The following MAP2K2 variants were observed in gnomAD, a reference collection of about 807,000 sequenced individuals.
MAP2K2 encodes dual specificity mitogen-activated protein kinase kinase 2.
A neutral mutation model predicts 43.7 loss-of-function variants in MAP2K2; 24 were observed. The observed-to-expected ratio is 0.55, with a 90% CI of 0.40 to 0.77. MAP2K2 has a LOEUF of 0.77. MAP2K2 is among the 30% of genes least tolerant of loss of function. MAP2K2 has a pLI of 0.00. For missense variants in MAP2K2, 470 were observed against 566.8 expected (o/e 0.83, Z 1.73); for synonymous variants, 244 against 239.7 (o/e 1.02, Z -0.17).
rs1306072108 is a variant in MAP2K2, at chr19:4,115,596, A to G, written c.303+1823T>C. On this transcript the variant is annotated intron_variant, in intron 2 of 10. Coordinates refer to ENST00000262948, the MANE Select transcript of MAP2K2 (RefSeq NM_030662.4). The surrounding 1 kb of genome is among the most constrained non-coding windows in gnomAD (Gnocchi z 4.1). ...AAGAGGCTGCCTGCAGTACGGGGAC[A>G]GAAATAGCAAGTCCGCGGCTGCACA... Among the ~76,000 whole-genome samples the G allele has an allele frequency of 6.6e-6, 1 of 152,238 alleles. No individual in the cohort carries two copies. The highest frequency in any genetic ancestry group is 1.5e-5 in the Non-Finnish European group (1 of 68,044).
chr19:4,101,929 G>A lies in MAP2K2; in HGVS notation c.528+447C>T, dbSNP rs1473449724. 2.6e-5 allele frequency among the ~76,000 whole-genome samples: 4 copies of A among 152,148 alleles called. No homozygotes were observed. Among genetic ancestry groups the A allele is most frequent in the African/African-American group, 4.8e-5 (2 of 41,434 alleles). On this transcript the variant is annotated intron_variant, in intron 4 of 10. Coordinates refer to ENST00000262948, the MANE Select transcript of MAP2K2 (RefSeq NM_030662.4). This position sits in a 1 kb window ranked among gnomAD's most constrained non-coding sequence, Gnocchi z 6.3. Reference sequence around the variant, plus strand: ...GTCTGCTGAAACCACACGGCTCTACGGAGCAGCTGTGCTGGAGACCGGGCA... The same window carrying A: ...GTCTGCTGAAACCACACGGCTCTACAGAGCAGCTGTGCTGGAGACCGGGCA...
intron 2 of MAP2K2, among the ~76,000 whole-genome samples, chr19:4,111,497 T>A (rs973110984): frequency 6.6e-6 from 1 of 152,034 alleles, no homozygotes; most frequent in African/African-American, 2.4e-5. Flanking sequence ...CTTCCCACCC[T>A]CAAGCTGGAG....
In MAP2K2 at chr19:4,124,118, G is replaced by A. The variant is rs181533374; in HGVS notation, c.-243C>T. On this transcript the variant is annotated 5_prime_UTR_variant, in exon 1 of 11. Coordinates refer to ENST00000262948, the MANE Select transcript of MAP2K2 (RefSeq NM_030662.4). ...AAGGCTGACGCCGCAGCCCGAGTCC[G>A]AGAGGCAGGGGGAGGGGAGGGGCGG... 6,780 of 213,846 alleles carry A rather than the reference G, an allele frequency of 0.032. 482 individuals carry two copies. The highest frequency in any genetic ancestry group is 0.14 in the African/African-American group (6,272 of 44,238). The allele number at this position is 213,846 out of a possible 1,614,324, so 13.2% of individuals were successfully genotyped here.
intron 3 of MAP2K2, among the ~76,000 whole-genome samples, chr19:4,106,044 T>C (rs1175245198): frequency 1.3e-5 from 2 of 152,228 alleles, no homozygotes; most frequent in African/African-American, 4.8e-5. Flanking sequence ...CATAGCTCAC[T>C]GCAGCCTCGA....
At position 4,094,441 on chromosome 19, in the gene MAP2K2, G is replaced by A; in HGVS notation, c.1092+12C>T. 6.4e-7 allele frequency: 1 copy of A among 1,558,410 alleles called. No homozygotes were observed. Among genetic ancestry groups the A allele is most frequent in the Non-Finnish European group, 8.7e-7 (1 of 1,150,476 alleles). On this transcript the variant is annotated intron_variant, in intron 10 of 10. Transcript: ENST00000262948. ...CACCCTCCCGGTCCCAGAACCCGCT[G>A]GCATCACTCACTGTGAGCATCTTCA...
At position 4,110,487 on chromosome 19, in the gene MAP2K2, C is replaced by A. The variant is rs767239143; in HGVS notation, c.450+22G>T. 2.5e-6 allele frequency: 4 copies of A among 1,611,730 alleles called. No individual in the cohort carries two copies. In the East Asian group the frequency reaches 8.9e-5, roughly 36 times the overall value. On this transcript the variant is annotated intron_variant, in intron 3 of 10. Coordinates refer to ENST00000262948, the MANE Select transcript of MAP2K2 (RefSeq NM_030662.4). ...CTGTTCCGTGGAGGCCCTGCCCCTG[C>A]CCCTGCCCCGGACGCACTCACCATG...
chr19:4,102,698 G>C (rs545445456), intron 3 of MAP2K2: 10 of 1,178,754 alleles, frequency 8.5e-6, no homozygotes, highest in African/African-American at 7.6e-5. Context: ...TCCCATCCTC[G>C]AATCAGTTGC....
chr19:4,094,982 G>A (rs541403253), intron 9 of MAP2K2: 13 of 348,728 alleles, frequency 3.7e-5, no homozygotes, highest in Admixed American at 2.1e-4. Flanking sequence ...TGAAGCCCAC[G>A]CCACAGGTGC....
At position 4,124,084 on chromosome 19, in the gene MAP2K2, G is replaced by A. The variant is rs1457316565; in HGVS notation, c.-209C>T. The A allele has an allele frequency of 2.8e-5, 6 of 213,890 alleles. No homozygotes were observed. The highest frequency in any genetic ancestry group is 6.7e-5 in the East Asian group (1 of 14,882). The allele number at this position is 213,890 out of a possible 1,614,324, so 13.2% of individuals were successfully genotyped here. A position where few individuals can be genotyped will look rare whatever the true frequency, so the allele number is the denominator to read the frequency against. The stretch of plus-strand genomic sequence containing the variant: ...GCGAGCGAGCCGCTACCGCTGCCGA[G>A]GCCCGAAGAAGGCTGACGCCGCAGC... On this transcript the variant is annotated 5_prime_UTR_variant, in exon 1 of 11. Transcript: ENST00000262948.
At chr19:4,120,257 T>TG (rs1339189108) in intron 1 of MAP2K2, among the ~76,000 whole-genome samples, 2 of 151,986 alleles carry the variant, frequency 1.3e-5, no homozygotes, top group Non-Finnish European at 2.9e-5. Context: ...ACCCTGGGAG[T>TG]GGGACAGAAG....
chr19:4,117,726 A>G, intron 1 of MAP2K2, 97 bp from the exon 2 acceptor site: 1 of 1,079,838 alleles, frequency 9.3e-7, no homozygotes, highest in Non-Finnish European at 1.4e-6. Flanking sequence ...AGGAGGACAC[A>G]GACTGGATTC....
At chr19:4,109,095 G>A (rs563006731) in intron 3 of MAP2K2, among the ~76,000 whole-genome samples, 1 of 152,266 alleles carries the variant, frequency 6.6e-6, no homozygotes, top group African/African-American at 2.4e-5. Context: ...TGTCAAAGGG[G>A]ATCGCACGTT....
chr19:4,094,055 C>T (rs1025072004), intron 10 of MAP2K2, among the ~76,000 whole-genome samples: 1 of 152,140 alleles, frequency 6.6e-6, no homozygotes, highest in African/African-American at 2.4e-5. Context: ...GGGGGACCTG[C>T]TTGCCAGTGT....
At position 4,090,412 on chromosome 19, in the gene MAP2K2, C is replaced by G. The variant is rs1487556680; in HGVS notation, c.*186G>C. ...CAGCGTCGCCCGTCCCCAGAGGCACCCCGGCCAGGACGGGCAGGAGAGGAG... is the reference window on the plus strand; with the variant it reads ...CAGCGTCGCCCGTCCCCAGAGGCACGCCGGCCAGGACGGGCAGGAGAGGAG... On this transcript the variant is annotated 3_prime_UTR_variant, in exon 11 of 11. Transcript: ENST00000262948. The G allele has an allele frequency of 1.1e-5, 7 of 640,198 alleles. No individual in the cohort carries two copies. The highest frequency in any genetic ancestry group is 9.0e-5 in the African/African-American group (5 of 55,832). 39.7% of individuals were successfully genotyped at this position (640,198 alleles called of 1,614,324 possible). A position where few individuals can be genotyped will look rare whatever the true frequency, so the allele number is the denominator to read the frequency against.
chr19:4,108,477 T>G (rs979552005), intron 3 of MAP2K2, among the ~76,000 whole-genome samples: 3 of 151,244 alleles, frequency 2.0e-5, no homozygotes, highest in Non-Finnish European at 2.9e-5. Context: ...GCCAGAATAG[T>G]CTCGATCTCC....
intron 7 of MAP2K2, 120 bp downstream of exon 7, chr19:4,099,081 C>T (rs2040961404): frequency 2.4e-6 from 2 of 850,470 alleles, no homozygotes; most frequent in Non-Finnish European, 3.7e-6. Context: ...ACAGTCGGCA[C>T]CATCCAGGGG....
At chr19:4,103,576 A>G (rs1441678260) in intron 3 of MAP2K2, 2 of 133,168 alleles carry the variant, frequency 1.5e-5, no homozygotes, top group African/African-American at 5.0e-5. Context: ...GGATTTCCCC[A>G]CCATGCTGCT....
Position 4,090,557 on chromosome 19 carries a change from G to A in MAP2K2, c.*41C>T, listed in dbSNP as rs781023308. ...GAAGGGCGGGGCATGGACAGGGACGGTGGGCAGGTCACCAGCGGGACGCAG... is the reference window on the plus strand; with the variant it reads ...GAAGGGCGGGGCATGGACAGGGACGATGGGCAGGTCACCAGCGGGACGCAG... On this transcript the variant is annotated 3_prime_UTR_variant, in exon 11 of 11. Coordinates refer to ENST00000262948, the MANE Select transcript of MAP2K2 (RefSeq NM_030662.4). The A allele has an allele frequency of 1.5e-5, 22 of 1,476,446 alleles. No homozygotes were observed. In the Admixed American group the frequency reaches 3.7e-4, roughly 25 times the overall value. 91.5% of individuals were successfully genotyped at this position (1,476,446 alleles called of 1,614,324 possible). A position where few individuals can be genotyped will look rare whatever the true frequency, so the allele number is the denominator to read the frequency against.
chr19:4,117,326 A>G, intron 2 of MAP2K2, 93 bp downstream of exon 2: 1 of 1,187,478 alleles, frequency 8.4e-7, no homozygotes, highest in South Asian at 1.3e-5. Flanking sequence ...GCTAATCAGA[A>G]TGCAGAGACC....
Sources: gnomAD v4.1 joint callset for allele counts (sites outside exome capture counted in the v4.1 genomes callset) on GRCh38, gnomAD v4.1.1 for gene constraint, Gnocchi (gnomAD v3.1) non-coding constraint, MANE v1.5 for transcripts, NCBI Gene and HGNC (gene_info 2026-07-23, HGNC 2026-07-21) for gene names.